PKP2: variants seen among roughly 807,000 people sequenced by gnomAD.
PKP2 encodes the protein plakophilin 2, also known as plakophilin-2.
A neutral mutation model predicts 83.4 loss-of-function variants in PKP2; 73 were observed. The ratio of observed to expected loss-of-function variants is 0.88; its 90% CI spans 0.72 to 1.06. PKP2 has a LOEUF of 1.06. PKP2 is among the 50% of genes least tolerant of loss of function. The probability of loss-of-function intolerance (pLI) is 0.00; values close to 1 mark genes in which losing one functional copy is unlikely to be tolerated. For missense variants in PKP2, 966 were observed against 1,065.4 expected, an observed-to-expected ratio of 0.91 and a Z score of 1.30; for synonymous variants, 409 against 430.4, an observed-to-expected ratio of 0.95 and a Z score of 0.62.
In PKP2 at chr12:32,895,115, T is replaced by C. The variant is rs551732856; in HGVS notation, c.223+1394A>G. Reference sequence around the variant, plus strand: ...TCTGCCACTTACCATCTATTAGAGCTTCAGTGTTACTTAACTGCTTAGTTT... The same window carrying C: ...TCTGCCACTTACCATCTATTAGAGCCTCAGTGTTACTTAACTGCTTAGTTT... On this transcript the variant is annotated intron_variant, in intron 1 of 12. Coordinates refer to ENST00000340811, the MANE Select transcript of PKP2 (RefSeq NM_001005242.3). Among the ~76,000 whole-genome samples, 5 of 152,298 alleles carry C rather than the reference T, an allele frequency of 3.3e-5. No homozygotes were observed. The South Asian group carries it at 1.0e-3, about 32-fold the overall frequency.
intron 10 of PKP2, among the ~76,000 whole-genome samples, chr12:32,798,310 C>T (rs879712558): frequency 2.0e-5 from 3 of 151,496 alleles, no homozygotes; most frequent in East Asian, 1.9e-4. Flanking sequence ...AGGCTGGTCT[C>T]GAACTCCTGA....
intron 1 of PKP2, among the ~76,000 whole-genome samples, chr12:32,892,824 G>GC (rs60624263): frequency 8.8e-6 from 1 of 113,486 alleles, no homozygotes; most frequent in Non-Finnish European, 1.9e-5. Flanking sequence ...GGGGCGGGGG[G>GC]GGGGGGAGAA....
intron 9 of PKP2, among the ~76,000 whole-genome samples, chr12:32,814,420 C>A (rs1956303041): frequency 6.6e-6 from 1 of 152,118 alleles, no homozygotes; most frequent in African/African-American, 2.4e-5. Context: ...CATGTTGCCT[C>A]TGAAAACATA....
chr12:32,830,717 C>T (rs1171667427), intron 6 of PKP2, among the ~76,000 whole-genome samples: 1 of 151,946 alleles, frequency 6.6e-6, no homozygotes, highest in East Asian at 1.9e-4. Flanking sequence ...GACCGCCTGG[C>T]CAACATGGTG....
At chr12:32,793,391 A>C (rs1956090452) in intron 11 of PKP2, among the ~76,000 whole-genome samples, 1 of 152,098 alleles carries the variant, frequency 6.6e-6, no homozygotes, top group South Asian at 2.1e-4. Context: ...TGTTTATAGA[A>C]TAAAAATGCA....
At chr12:32,802,119 A>G (rs1045257671) in intron 10 of PKP2, among the ~76,000 whole-genome samples, 3 of 152,188 alleles carry the variant, frequency 2.0e-5, no homozygotes, top group Non-Finnish European at 4.4e-5. Flanking sequence ...AGTGAAAAAT[A>G]TCAACAATAT....
At chr12:32,853,028 G>A (rs1956714274) in intron 4 of PKP2, among the ~76,000 whole-genome samples, 1 of 152,128 alleles carries the variant, frequency 6.6e-6, no homozygotes, top group Non-Finnish European at 1.5e-5. Flanking sequence ...AGCTTGCAGT[G>A]AGCAGAAATG....
intron 4 of PKP2, among the ~76,000 whole-genome samples, chr12:32,856,259 A>G (rs1344890548): frequency 2.6e-5 from 4 of 152,166 alleles, no homozygotes; most frequent in Admixed American, 2.0e-4. Flanking sequence ...TTTGTCTTTT[A>G]TCCTGCAGGC....
intron 1 of PKP2, among the ~76,000 whole-genome samples, chr12:32,889,618 T>C (rs201254052): frequency 6.6e-6 from 1 of 152,234 alleles, no homozygotes; most frequent in East Asian, 1.9e-4. Flanking sequence ...GTATGTATTC[T>C]GTGGCTCACC....
rs1169362109 is a variant in PKP2, at chr12:32,822,544, T to C, written c.1762A>G (p.Ile588Val). 3 of 1,614,086 alleles carry C rather than the reference T, an allele frequency of 1.9e-6. No individual in the cohort carries two copies. The highest frequency in any genetic ancestry group is 2.5e-6 in the Non-Finnish European group (3 of 1,180,024). Residue 588 changes from isoleucine (I) to valine (V), a missense_variant, in exon 8 of 13, where the codon ATT becomes GTT. Ile to Val is a conservative substitution (Grantham distance 29). Transcript: ENST00000340811. ...TCAGTCTGGATATTCCGGTTTTGAA[T>C]ATAGATATTCTGGGAATATTTCTCT... ...LPEKYSQNIY[I>V]QNRNIQTDNN...
intron 3 of PKP2, among the ~76,000 whole-genome samples, chr12:32,877,518 C>T (rs1485984324): frequency 6.6e-6 from 1 of 152,178 alleles, no homozygotes; most frequent in Non-Finnish European, 1.5e-5. Flanking sequence ...GCATGCAATT[C>T]TCCAATTCTT....
In PKP2 at chr12:32,820,282, T is replaced by C. The variant is rs142892823; in HGVS notation, c.2013+1074A>G. ...ATAGTACTTTTCTCTACAGAGATAA[T>C]TGGAGACTAGACAGACAATGAGCTA... On this transcript the variant is annotated intron_variant, in intron 9 of 12. Coordinates refer to ENST00000340811, the MANE Select transcript of PKP2 (RefSeq NM_001005242.3). 4.2e-3 allele frequency: 647 copies of C among 152,322 alleles called. 7 individuals carry two copies. The highest frequency in any genetic ancestry group is 0.014 in the African/African-American group (593 of 41,568). The allele number at this position is 152,322 out of a possible 1,614,324, so 9.4% of individuals were successfully genotyped here. A position where few individuals can be genotyped will look rare whatever the true frequency, so the allele number is the denominator to read the frequency against.
intron 9 of PKP2, among the ~76,000 whole-genome samples, chr12:32,817,875 G>A (rs771185046): frequency 6.6e-6 from 1 of 152,152 alleles, no homozygotes; most frequent in Non-Finnish European, 1.5e-5. Context: ...AGCAGTGAGC[G>A]AGTATTATTA....
chr12:32,833,341 C>T (rs190108550), intron 6 of PKP2, among the ~76,000 whole-genome samples: 259 of 152,194 alleles, frequency 1.7e-3, no homozygotes, highest in Middle Eastern at 3.4e-3. Flanking sequence ...TACCAAGATA[C>T]GCATTAAAAA....
chr12:32,803,277 G>A (rs1592729967), intron 9 of PKP2, among the ~76,000 whole-genome samples: 1 of 152,156 alleles, frequency 6.6e-6, no homozygotes, highest in South Asian at 2.1e-4. Context: ...AGAGGCTGGG[G>A]CAGGAGAATC....
At chr12:32,823,278 A>T (rs1317991870) in intron 7 of PKP2, among the ~76,000 whole-genome samples, 4 of 152,178 alleles carry the variant, frequency 2.6e-5, no homozygotes, top group Non-Finnish European at 5.9e-5. Context: ...TTAGCTGGGC[A>T]TGGTGGCGTA....
chr12:32,877,010 A>G (rs1956938983), intron 3 of PKP2, among the ~76,000 whole-genome samples: 1 of 152,236 alleles, frequency 6.6e-6, no homozygotes, highest in South Asian at 2.1e-4. Context: ...AGCATGCTGT[A>G]CAATTTCACT....
rs775398790 is a variant in PKP2, at chr12:32,877,942, C to T, written c.938G>A (p.Ser313Asn). ...GACAGTCAAGTGCGCTCTCCTCCCG[C>T]TGGAATCCACGGCGACACTGGGCCC... Reference protein sequence around the residue: ...EAGPSVAVDSSGRRAHLTVGQ... With the variant: ...EAGPSVAVDSNGRRAHLTVGQ... The change falls in exon 3 of 13, where the codon AGC becomes AAC. Residue 313 changes from serine to asparagine, a missense_variant. Ser to Asn is a conservative substitution (Grantham distance 46). Coordinates refer to ENST00000340811, the MANE Select transcript of PKP2 (RefSeq NM_001005242.3). 6 of 1,614,190 alleles carry T rather than the reference C, an allele frequency of 3.7e-6. No homozygotes were observed. In the Admixed American group the frequency reaches 1.0e-4, roughly 27 times the overall value.
Position 32,882,325 on chromosome 12 carries a change from CAGGTGATGAAAGCAGGCAA to C in PKP2, c.224-3312_224-3294del, listed in dbSNP as rs2137964239. Among the ~76,000 whole-genome samples the C allele has an allele frequency of 5.9e-5, 9 of 152,186 alleles. No individual in the cohort carries two copies. In the South Asian group the frequency reaches 1.9e-3, roughly 32 times the overall value. Reference sequence around the variant, plus strand: ...TTCCTGTTACTCTATAATAAAACGGCAGGTGATGAAAGCAGGCAATTTTAGGAATTCAAGAAAAACTCTG... The same window carrying C: ...TTCCTGTTACTCTATAATAAAACGGCTTTTAGGAATTCAAGAAAAACTCTG... On this transcript the variant is annotated intron_variant, in intron 1 of 12. Transcript: ENST00000340811.
Sources: allele counts gnomAD v4.1 joint callset (sites outside exome capture counted in the v4.1 genomes callset), GRCh38; gene constraint gnomAD v4.1.1; transcripts MANE v1.5; gene names NCBI Gene and HGNC (gene_info 2026-07-23, HGNC 2026-07-21).